The following MARCHF1 variants were observed in gnomAD, a reference collection of about 807,000 sequenced individuals.
MARCHF1 encodes E3 ubiquitin-protein ligase MARCHF1.
A neutral mutation model predicts 54.2 loss-of-function variants in MARCHF1; 40 were observed. The ratio of observed to expected loss-of-function variants is 0.74; its 90% CI spans 0.57 to 0.96. MARCHF1 has a LOEUF of 0.96. MARCHF1 is among the 40% of genes least tolerant of loss of function. The pLI, the probability that MARCHF1 is intolerant of heterozygous loss-of-function variation, is 0.00. For synonymous variants in MARCHF1, 236 were observed against 236.3 expected (o/e 1.00, Z 0.01); for missense variants, 586 against 656.5 (o/e 0.89, Z 1.17).
At chr4:163,828,014 T>TACACACACAC (rs748460236) in intron 4 of MARCHF1, among the ~76,000 whole-genome samples, 8 of 124,572 alleles carry the variant, frequency 6.4e-5, no homozygotes, top group East Asian at 5.8e-4. Flanking sequence ...TGCGCAGGCA[T>TACACACACAC]ACACACACAC....
At chr4:163,686,186 T>A (rs958585966) in intron 5 of MARCHF1, among the ~76,000 whole-genome samples, 1 of 146,650 alleles carries the variant, frequency 6.8e-6, no homozygotes, top group Non-Finnish European at 1.5e-5. Flanking sequence ...CTCCAGAAAT[T>A]TTAAATTCAA....
chr4:163,937,101 T>G (rs577988697), intron 3 of MARCHF1, among the ~76,000 whole-genome samples: 1 of 152,186 alleles, frequency 6.6e-6, no homozygotes, highest in Non-Finnish European at 1.5e-5. Flanking sequence ...ACTTGTCTAG[T>G]GATGTTCAGT....
At chr4:164,018,777 T>C (rs926257929) in intron 2 of MARCHF1, among the ~76,000 whole-genome samples, 4 of 152,238 alleles carry the variant, frequency 2.6e-5, no homozygotes, top group African/African-American at 9.6e-5. Flanking sequence ...ATCATAATAA[T>C]GCAATGGACT....
intron 5 of MARCHF1, among the ~76,000 whole-genome samples, chr4:163,698,885 A>C (rs1203193617): frequency 2.0e-5 from 3 of 152,190 alleles, no homozygotes; most frequent in African/African-American, 7.2e-5. Flanking sequence ...TGGTTTAGGC[A>C]AATCTCTTCA....
intron 2 of MARCHF1, among the ~76,000 whole-genome samples, chr4:164,053,085 G>A (rs1295965830): frequency 6.6e-6 from 1 of 152,010 alleles, no homozygotes; most frequent in Non-Finnish European, 1.5e-5. Context: ...AAAGAATATT[G>A]AATTCTTCAA....
chr4:164,290,861 G>C (rs1453660300), intron 1 of MARCHF1, among the ~76,000 whole-genome samples: 2 of 151,822 alleles, frequency 1.3e-5, no homozygotes, highest in African/African-American at 4.8e-5. Flanking sequence ...TTAACTTCTA[G>C]AAATAGACAC....
chr4:164,068,246 G>T lies in MARCHF1; in HGVS notation c.-248+43342C>A, dbSNP rs373029456. On this transcript the variant is annotated intron_variant, in intron 2 of 9. Coordinates refer to ENST00000514618, the MANE Select transcript of MARCHF1 (RefSeq NM_001394959.1). ...TGACAGCGTGCTGGCAGCCCTCGCAGCCCTCGCTCACTCTCGGCACCTCCT... is the reference window on the plus strand; with the variant it reads ...TGACAGCGTGCTGGCAGCCCTCGCATCCCTCGCTCACTCTCGGCACCTCCT... Among the ~76,000 whole-genome samples, 5 of 152,154 alleles carry T rather than the reference G, an allele frequency of 3.3e-5. No homozygotes were observed. The South Asian group carries it at 1.0e-3, about 31-fold the overall frequency.
intron 4 of MARCHF1, among the ~76,000 whole-genome samples, chr4:163,845,845 G>A (rs6858481): frequency 0.029 from 4,391 of 152,142 alleles, 206 homozygotes; most frequent in African/African-American, 0.099. Context: ...AAGTTAATAC[G>A]ATACTTTAAG....
intron 2 of MARCHF1, among the ~76,000 whole-genome samples, chr4:164,039,068 G>A (rs750989214): frequency 1.4e-4 from 21 of 152,134 alleles, no homozygotes; most frequent in South Asian, 2.1e-4. Context: ...TCTAAAATAC[G>A]AAATTTGAAC....
intron 4 of MARCHF1, among the ~76,000 whole-genome samples, chr4:163,780,582 G>GA (rs926600872): frequency 5.4e-5 from 8 of 148,132 alleles, no homozygotes; most frequent in African/African-American, 1.7e-4. Context: ...AAGGCTGTAA[G>GA]AAAAAAAAGA....
chr4:163,673,099 C>G (rs1415415485), intron 5 of MARCHF1, among the ~76,000 whole-genome samples: 1 of 152,184 alleles, frequency 6.6e-6, no homozygotes, highest in African/African-American at 2.4e-5. Context: ...TAGGAAGTGG[C>G]TATCTTTGAA....
intron 4 of MARCHF1, among the ~76,000 whole-genome samples, chr4:163,749,541 A>G (rs1200945893): frequency 6.6e-6 from 1 of 152,094 alleles, no homozygotes; most frequent in Middle Eastern, 3.2e-3. Flanking sequence ...ACCACCATGC[A>G]CAACATCAGC....
chr4:163,682,178 G>A (rs1266286061), intron 5 of MARCHF1, among the ~76,000 whole-genome samples: 2 of 152,178 alleles, frequency 1.3e-5, no homozygotes, highest in Non-Finnish European at 2.9e-5. Context: ...TAGAGATAGT[G>A]AAACTTTGAA....
At chr4:164,001,962 C>T (rs1192743825) in intron 2 of MARCHF1, among the ~76,000 whole-genome samples, 1 of 151,738 alleles carries the variant, frequency 6.6e-6, no homozygotes, top group Non-Finnish European at 1.5e-5. Context: ...AATGAGAGAG[C>T]AGATAACTTA....
intron 5 of MARCHF1, among the ~76,000 whole-genome samples, chr4:163,635,061 C>T (rs1167959798): frequency 4.1e-5 from 3 of 72,744 alleles, no homozygotes; most frequent in Non-Finnish European, 7.4e-5. Flanking sequence ...AGAACAAAGA[C>T]ACAACATACC....
chr4:163,686,478 G>T (rs1326637482), intron 5 of MARCHF1, among the ~76,000 whole-genome samples: 1 of 140,718 alleles, frequency 7.1e-6, no homozygotes. Context: ...TTTTGCCATT[G>T]AAAGAAATGG....
intron 1 of MARCHF1, among the ~76,000 whole-genome samples, chr4:164,261,600 C>T (rs998997051): frequency 6.6e-6 from 1 of 152,116 alleles, no homozygotes. Flanking sequence ...CTTAATCATC[C>T]TGAGGTTACA....
At chr4:164,252,816 C>T (rs1311249597) in intron 1 of MARCHF1, among the ~76,000 whole-genome samples, 1 of 151,914 alleles carries the variant, frequency 6.6e-6, no homozygotes, top group Non-Finnish European at 1.5e-5. Context: ...ATCAGATAAA[C>T]TCAAAAAGTG....
chr4:164,277,460 T>C (rs770657644), intron 1 of MARCHF1, among the ~76,000 whole-genome samples: 20 of 152,242 alleles, frequency 1.3e-4, no homozygotes, highest in Non-Finnish European at 2.1e-4. Context: ...CCTCTCCTAC[T>C]AGCTTCTGTA....
Sources: allele counts gnomAD v4.1 joint callset (sites outside exome capture counted in the v4.1 genomes callset), GRCh38; gene constraint gnomAD v4.1.1; transcripts MANE v1.5; gene names NCBI Gene and HGNC (gene_info 2026-07-23, HGNC 2026-07-21).